Variants in NECTIN3 observed in about 807,000 individuals in gnomAD.
The protein encoded by NECTIN3 is nectin cell adhesion molecule 3.
A neutral mutation model predicts 49.4 loss-of-function variants in NECTIN3; 8 were observed. That is an observed-to-expected ratio of 0.16 (90% CI 0.10 to 0.29). The LOEUF (loss-of-function observed/expected upper bound fraction) is 0.29. NECTIN3 is among the 10% of genes least tolerant of loss of function. The pLI, the probability that NECTIN3 is intolerant of heterozygous loss-of-function variation, is 1.00. For missense variants in NECTIN3, 581 were observed against 654.6 expected (o/e 0.89, Z 1.23); for synonymous variants, 277 against 241.1 (o/e 1.15, Z -1.38).
At chr3:111,192,270 T>C, upstream of NECTIN3, 1 of 1,253,634 alleles carries the variant, frequency 8.0e-7, no homozygotes, top group Non-Finnish European at 1.1e-6. Flanking sequence ...CATGATTGGC[T>C]CTTTTAAAAA....
intron 7 of NECTIN3, among the ~76,000 whole-genome samples, chr3:111,178,262 A>G (rs2035566313): frequency 6.6e-6 from 1 of 152,202 alleles, no homozygotes; most frequent in Non-Finnish European, 1.5e-5. Context: ...AATAAACCTC[A>G]TGATAGCAGC....
At chr3:111,157,154 C>A (rs1344521688) in intron 7 of NECTIN3, among the ~76,000 whole-genome samples, 1 of 152,024 alleles carries the variant, frequency 6.6e-6, no homozygotes, top group African/African-American at 2.4e-5. Flanking sequence ...GTGAGGGGAC[C>A]TATCTGGAGT....
intron 1 of NECTIN3, among the ~76,000 whole-genome samples, chr3:111,091,360 A>G (rs6437947): frequency 0.71 from 107,471 of 152,022 alleles, 43,650 homozygotes; most frequent in Non-Finnish European, 0.93. Context: ...GGTTCACGCC[A>G]TCTCCTGCCT....
chr3:111,073,311 T>A (rs2030933926), intron 1 of NECTIN3: 1 of 152,274 alleles, frequency 6.6e-6, no homozygotes, highest in South Asian at 2.1e-4. Flanking sequence ...TCTTGAATAG[T>A]GTGATTTAGA....
At chr3:111,104,677 T>C (rs1451997494) in intron 1 of NECTIN3, among the ~76,000 whole-genome samples, 1 of 152,136 alleles carries the variant, frequency 6.6e-6, no homozygotes, top group East Asian at 1.9e-4. Context: ...GGGAGTTCTT[T>C]ATGTGTTTTG....
At chr3:111,178,114 C>T (rs1002079817) in intron 7 of NECTIN3, among the ~76,000 whole-genome samples, 2 of 152,128 alleles carry the variant, frequency 1.3e-5, no homozygotes, top group African/African-American at 2.4e-5. Context: ...AATTTATTTA[C>T]CAGTGATAAC....
At chr3:111,149,628 A>G (rs1404783909) in intron 7 of NECTIN3, among the ~76,000 whole-genome samples, 1 of 152,018 alleles carries the variant, frequency 6.6e-6, no homozygotes, top group Non-Finnish European at 1.5e-5. Context: ...GGCTATTAGC[A>G]TATAGAAATG....
intron 7 of NECTIN3, among the ~76,000 whole-genome samples, chr3:111,167,184 T>C (rs1211089006): frequency 1.3e-5 from 2 of 152,148 alleles, no homozygotes; most frequent in East Asian, 1.9e-4. Flanking sequence ...TCAAAAGATA[T>C]TTAAAGAGAT....
intron 7 of NECTIN3, among the ~76,000 whole-genome samples, chr3:111,162,523 G>A (rs2035233860): frequency 6.6e-6 from 1 of 152,170 alleles, no homozygotes; most frequent in Admixed American, 6.6e-5. Context: ...ATGTGGAACT[G>A]TGAGTCAATT....
intron 7 of NECTIN3, among the ~76,000 whole-genome samples, chr3:111,167,060 G>T (rs921115107): frequency 4.6e-5 from 7 of 152,030 alleles, no homozygotes; most frequent in Non-Finnish European, 1.0e-4. Flanking sequence ...AGTTAGAAGT[G>T]AATTTTTGCA....
chr3:111,152,370 C>A (rs1486289748), intron 7 of NECTIN3, among the ~76,000 whole-genome samples: 1 of 151,684 alleles, frequency 6.6e-6, no homozygotes, highest in Non-Finnish European at 1.5e-5. Flanking sequence ...ATAAAAATAC[C>A]TGTTTCTCCA....
chr3:111,109,190 C>T (rs2033349315), intron 1 of NECTIN3, among the ~76,000 whole-genome samples: 1 of 152,064 alleles, frequency 6.6e-6, no homozygotes, highest in Non-Finnish European at 1.5e-5. Flanking sequence ...GGGAGCCCAC[C>T]TGTATGACTT....
intron 1 of NECTIN3, among the ~76,000 whole-genome samples, chr3:111,079,902 T>G (rs1481820014): frequency 6.6e-6 from 1 of 152,074 alleles, no homozygotes; most frequent in Non-Finnish European, 1.5e-5. Flanking sequence ...TTCTGCCTAG[T>G]TCATATTAAA....
intron 5 of NECTIN3, chr3:111,144,757 A>T: frequency 1.2e-6 from 1 of 814,846 alleles, no homozygotes; most frequent in Non-Finnish European, 1.8e-6. Context: ...CACTAAACCT[A>T]ATGAATGAAA....
intron 1 of NECTIN3, among the ~76,000 whole-genome samples, chr3:111,099,544 A>G (rs1399696390): frequency 2.6e-5 from 4 of 152,206 alleles, no homozygotes; most frequent in Non-Finnish European, 4.4e-5. Context: ...TTTATATTCC[A>G]TGAGTGAAAA....
At chr3:111,140,335 C>G (rs1344059987), downstream of NECTIN3, among the ~76,000 whole-genome samples, 1 of 151,232 alleles carries the variant, frequency 6.6e-6, no homozygotes, top group Admixed American at 6.6e-5. Context: ...TATATTTTAA[C>G]TGGTCTGCTG....
At chr3:111,158,082 T>G (rs2035133807) in intron 7 of NECTIN3, among the ~76,000 whole-genome samples, 1 of 152,124 alleles carries the variant, frequency 6.6e-6, no homozygotes, top group African/African-American at 2.4e-5. Flanking sequence ...AACAAGATTT[T>G]CTTCTTGAAA....
chr3:111,087,897 C>T (rs546855451), intron 1 of NECTIN3, among the ~76,000 whole-genome samples: 42 of 151,954 alleles, frequency 2.8e-4, no homozygotes, highest in South Asian at 1.5e-3. Flanking sequence ...GGCATTTCAC[C>T]ATGTTGGGCA....
chr3:111,099,324 G>C (rs928647881), intron 1 of NECTIN3, among the ~76,000 whole-genome samples: 2 of 152,256 alleles, frequency 1.3e-5, no homozygotes, highest in Middle Eastern at 3.4e-3. Flanking sequence ...ATATGTCCCT[G>C]TTTGCCTTGG....
Sources: gnomAD v4.1 joint callset for allele counts (sites outside exome capture counted in the v4.1 genomes callset) on GRCh38, gnomAD v4.1.1 for gene constraint, MANE v1.5 for transcripts, NCBI Gene and HGNC (gene_info 2026-07-23, HGNC 2026-07-21) for gene names.